Variants in HSD17B2 observed in about 807,000 individuals in gnomAD.
The protein encoded by HSD17B2 is hydroxysteroid 17-beta dehydrogenase 2.
Under a neutral mutation model 26.9 loss-of-function variants are expected in HSD17B2, and 32 were observed. The observed-to-expected ratio is 1.19, with a 90% CI of 0.90 to 1.60. HSD17B2 has a LOEUF of 1.60. Among genes scored for constraint, HSD17B2 ranks in the 40% most tolerant of loss-of-function variants. The probability of loss-of-function intolerance (pLI) is 0.00; values close to 1 mark genes in which losing one functional copy is unlikely to be tolerated. For missense variants in HSD17B2, 613 were observed against 468.6 expected, an observed-to-expected ratio of 1.31 and a Z score of -2.85; for synonymous variants, 246 against 186.7, an observed-to-expected ratio of 1.32 and a Z score of -2.59.
chr16:82,051,749 A>G (rs1221950406), intron 1 of HSD17B2, among the ~76,000 whole-genome samples: 1 of 152,228 alleles, frequency 6.6e-6, no homozygotes, highest in African/African-American at 2.4e-5. Context: ...AAAAAGAAAA[A>G]AAGAGCATGG....
chr16:82,078,706 T>C (rs1042832634), intron 3 of HSD17B2, among the ~76,000 whole-genome samples: 1 of 152,216 alleles, frequency 6.6e-6, no homozygotes, highest in African/African-American at 2.4e-5. Flanking sequence ...GAATGAGATA[T>C]TGTCATCTGC....
At position 82,071,092 on chromosome 16, in the gene HSD17B2, C is replaced by T. The variant is rs766160176; in HGVS notation, c.629C>T (p.Ser210Phe). ...ACGTTTTTGCCTCTTCTTAGAAAAT[C>T]CAAAGGGAGGCTGGTGAATGTCAGC... ...TKTFLPLLRK[S>F]KGRLVNVSSM... The change falls in exon 3 of 5, where the codon TCC (serine) becomes TTC (phenylalanine). Residue 210 changes from serine (S) to phenylalanine (F), a missense_variant. Physicochemically the swap from Ser to Phe is radical, Grantham distance 155 (BLOSUM62 -2). Transcript: ENST00000199936. 2 of 1,614,158 alleles carry T rather than the reference C, an allele frequency of 1.2e-6. No homozygotes were observed. Among genetic ancestry groups the T allele is most frequent in the Non-Finnish European group, 1.7e-6 (2 of 1,180,018 alleles).
At chr16:82,080,184 G>T (rs929491478) in intron 3 of HSD17B2, among the ~76,000 whole-genome samples, 8 of 152,208 alleles carry the variant, frequency 5.3e-5, no homozygotes, top group Admixed American at 2.6e-4. Flanking sequence ...TCAGGCTGTT[G>T]TGAGTAGGCA....
chr16:82,061,255 C>CAA (rs111243931), intron 1 of HSD17B2, among the ~76,000 whole-genome samples: 6 of 118,330 alleles, frequency 5.1e-5, no homozygotes, highest in East Asian at 2.4e-4. Context: ...GAGACTCTGT[C>CAA]AAAAAAAAAA....
At chr16:82,097,286 G>C (rs1365353368) in intron 4 of HSD17B2, 1 of 151,148 alleles carries the variant, frequency 6.6e-6, no homozygotes, top group African/African-American at 2.4e-5. Context: ...GTATGTGTGT[G>C]TGTGTGTATA....
chr16:82,074,200 G>A (rs1914761072), intron 3 of HSD17B2, among the ~76,000 whole-genome samples: 1 of 152,118 alleles, frequency 6.6e-6, no homozygotes, highest in African/African-American at 2.4e-5. Context: ...AGTCTTTTGA[G>A]TTTCAGATCT....
chr16:82,077,346 AC>A (rs1351308557), intron 3 of HSD17B2, among the ~76,000 whole-genome samples: 5 of 151,930 alleles, frequency 3.3e-5, no homozygotes, highest in African/African-American at 9.7e-5. Flanking sequence ...AGGATAGAGA[AC>A]CCAGAAATAA....
intron 3 of HSD17B2, among the ~76,000 whole-genome samples, chr16:82,077,981 T>G (rs991067578): frequency 2.0e-5 from 3 of 152,138 alleles, no homozygotes; most frequent in African/African-American, 7.2e-5. Flanking sequence ...TCCAGGACAC[T>G]GGAATTGGCA....
At chr16:82,053,719 A>C (rs1010159465) in intron 1 of HSD17B2, among the ~76,000 whole-genome samples, 1 of 152,140 alleles carries the variant, frequency 6.6e-6, no homozygotes, top group Non-Finnish European at 1.5e-5. Context: ...TGTTCTATTA[A>C]CTCTGAGACT....
chr16:82,038,946 C>A (rs551559143), intron 1 of HSD17B2, among the ~76,000 whole-genome samples: 1 of 152,218 alleles, frequency 6.6e-6, no homozygotes, highest in Non-Finnish European at 1.5e-5. Context: ...TAGTTAAGGG[C>A]AGTCACCCCT....
intron 1 of HSD17B2, among the ~76,000 whole-genome samples, chr16:82,038,577 T>C (rs1244925462): frequency 6.6e-6 from 1 of 152,170 alleles, no homozygotes; most frequent in African/African-American, 2.4e-5. Flanking sequence ...AACTGTAAAA[T>C]GAACAAAGAG....
chr16:82,054,085 C>G (rs1437367937), intron 1 of HSD17B2, among the ~76,000 whole-genome samples: 1 of 151,984 alleles, frequency 6.6e-6, no homozygotes. Context: ...TGTCTTTCTC[C>G]AAGTCACCTC....
chr16:82,087,895 A>G (rs1032626828), intron 3 of HSD17B2, among the ~76,000 whole-genome samples: 2 of 152,140 alleles, frequency 1.3e-5, no homozygotes, highest in African/African-American at 2.4e-5. Flanking sequence ...CCCCACTCTC[A>G]AGATAATGGC....
At chr16:82,037,268 T>A (rs1259549047) in intron 1 of HSD17B2, among the ~76,000 whole-genome samples, 1 of 152,274 alleles carries the variant, frequency 6.6e-6, no homozygotes, top group Non-Finnish European at 1.5e-5. Context: ...TTCTTTGTTA[T>A]TTTCAAGTTC....
rs771566566 is a variant in HSD17B2 at position 82,084,241 on chromosome 16, G to C, written c.665-6661G>C. Among the ~76,000 whole-genome samples the C allele has an allele frequency of 1.6e-4, 24 of 152,092 alleles. 1 individual carries two copies. The highest frequency in any genetic ancestry group is 3.2e-4 in the Non-Finnish European group (22 of 68,016). ...CCTTGGCACTACTGGCATTTTGGTG[G>C]GGAGAATTCTTTCTGTAAGGGCACT... On this transcript the variant is annotated intron_variant, in intron 3 of 4. Coordinates refer to ENST00000199936, the MANE Select transcript of HSD17B2 (RefSeq NM_002153.3).
At chr16:82,061,968 G>A (rs1242080201) in intron 1 of HSD17B2, among the ~76,000 whole-genome samples, 1 of 152,122 alleles carries the variant, frequency 6.6e-6, no homozygotes, top group Non-Finnish European at 1.5e-5. Flanking sequence ...TTATTCAAGA[G>A]GCCTGGCCTG....
At chr16:82,043,123 T>C (rs1913812598) in intron 1 of HSD17B2, among the ~76,000 whole-genome samples, 1 of 152,182 alleles carries the variant, frequency 6.6e-6, no homozygotes, top group African/African-American at 2.4e-5. Context: ...ATTCAGGCTA[T>C]CACAGACTCC....
rs993277224 is a variant in HSD17B2, at chr16:82,053,482, T to G, written c.266-14688T>G. On this transcript the variant is annotated intron_variant, in intron 1 of 4. Transcript: ENST00000199936. Reference sequence around the variant, plus strand: ...TATTAAAGTAGCAGAGATTGAAAACTAAGATAAAAAATGCCAACATAACCA... The same window carrying G: ...TATTAAAGTAGCAGAGATTGAAAACGAAGATAAAAAATGCCAACATAACCA... 6.6e-5 allele frequency among the ~76,000 whole-genome samples: 10 copies of G among 152,154 alleles called. 1 individual carries two copies. Among genetic ancestry groups the G allele is most frequent in the Non-Finnish European group, 1.0e-4 (7 of 68,028 alleles).
rs1453469158 is a variant in HSD17B2 at position 82,098,428 on chromosome 16, G to A, written c.1156G>A (p.Ala386Thr). The A allele has an allele frequency of 1.3e-6, 2 of 1,595,510 alleles. No homozygotes were observed. The highest frequency in any genetic ancestry group is 1.1e-5 in the South Asian group (1 of 88,364). Residue 386 changes from alanine (A) to threonine (T), a missense_variant, in exon 5 of 5, where the codon GCC becomes ACC. Coordinates refer to ENST00000199936, the MANE Select transcript of HSD17B2 (RefSeq NM_002153.3). ...AAGAATGCCTAACTACAAGAAAAAGGCCACCTAGGCAATGGAAGCCCTCAA... is the reference window on the plus strand; with the variant it reads ...AAGAATGCCTAACTACAAGAAAAAGACCACCTAGGCAATGGAAGCCCTCAA... The part of the protein sequence containing the change: ...ALRMPNYKKK[A>T]T
Sources: gnomAD v4.1 joint callset for allele counts (sites outside exome capture counted in the v4.1 genomes callset) on GRCh38, gnomAD v4.1.1 for gene constraint, MANE v1.5 for transcripts, NCBI Gene and HGNC (gene_info 2026-07-23, HGNC 2026-07-21) for gene names.